CDH13: variants seen among roughly 807,000 people sequenced by gnomAD.
CDH13 encodes cadherin 13.
In CDH13, 24 loss-of-function variants were observed where a neutral mutation model predicts 63.8. The observed-to-expected ratio is 0.38, with a 90% CI of 0.27 to 0.53. CDH13 has a LOEUF of 0.53. CDH13 is among the 20% of genes least tolerant of loss of function. The probability of loss-of-function intolerance (pLI) is 0.85; values close to 1 mark genes in which losing one functional copy is unlikely to be tolerated. For missense variants in CDH13, 1,049 were observed against 903.1 expected (o/e 1.16, Z -2.07); for synonymous variants, 503 against 355.3 (o/e 1.42, Z -4.67).
In CDH13 at chr16:82,634,864, T is replaced by A. The variant is rs371236087; in HGVS notation, c.45+7727T>A. 7.2e-5 allele frequency among the ~76,000 whole-genome samples: 11 copies of A among 152,288 alleles called. No homozygotes were observed. The South Asian group carries it at 1.5e-3, about 20-fold the overall frequency. ...TCAGGGAGATTCACCTGAGACCAAA[T>A]GGTTCCAATAAATATCTATGATCTC... On this transcript the variant is annotated intron_variant, in intron 1 of 13. Transcript: ENST00000567109.
At position 83,129,280 on chromosome 16, in the gene CDH13, G is replaced by A. The variant is rs926598535; in HGVS notation, c.483+3779G>A. 8.5e-5 allele frequency among the ~76,000 whole-genome samples: 13 copies of A among 152,266 alleles called. No individual in the cohort carries two copies. The East Asian group carries it at 1.5e-3, about 18-fold the overall frequency. ...ACACCTCTAATTTTATAAATATTAC[G>A]TATTAGACTTCGATATAGAATGCCA... On this transcript the variant is annotated intron_variant, in intron 4 of 13. Transcript: ENST00000567109.
intron 8 of CDH13, among the ~76,000 whole-genome samples, chr16:83,626,736 G>A (rs558559978): frequency 7.1e-4 from 108 of 152,172 alleles, no homozygotes; most frequent in Middle Eastern, 3.4e-3. Context: ...GCTGGAAGAA[G>A]CAACGGAGCC....
Position 82,697,423 on chromosome 16 carries a change from CTTTTTTTTTTTT to C in CDH13, c.45+70299_45+70310del, listed in dbSNP as rs34376129. ...AAGGGGGCCAAGGCATTTCTTTTTT[CTTTTTTTTTTTT>C]TTTTTTTTTTTTGAGACAGAGTCTC... On this transcript the variant is annotated intron_variant, in intron 1 of 13. Transcript: ENST00000567109. 8.0e-4 allele frequency among the ~76,000 whole-genome samples: 44 copies of C among 54,894 alleles called. No individual in the cohort carries two copies. The East Asian group carries it at 0.025, about 31-fold the overall frequency. The allele number at this position is 54,894 out of a possible 152,430, so 36.0% of individuals were successfully genotyped here.
chr16:82,720,665 C>T (rs2032713157), intron 1 of CDH13, among the ~76,000 whole-genome samples: 1 of 151,256 alleles, frequency 6.6e-6, no homozygotes, highest in African/African-American at 2.4e-5. Context: ...GTGGTCTGGG[C>T]CAAGAGTTAG....
intron 1 of CDH13, among the ~76,000 whole-genome samples, chr16:82,722,410 A>G (rs1460692147): frequency 6.6e-6 from 1 of 152,162 alleles, no homozygotes; most frequent in Non-Finnish European, 1.5e-5. Context: ...TCACAACCCC[A>G]GCAGAGAGAG....
rs1354176439 is a variant in CDH13 at position 83,070,868 on chromosome 16, CA to C, written c.366+38653del. On this transcript the variant is annotated intron_variant, in intron 3 of 13. Transcript: ENST00000567109. ...CAGTAATAAACAGCCCCCCCCCCCC[CA>C]AATATCAATGACCTAAACAACAGGA... is the stretch of plus-strand genomic sequence containing the variant. Among the ~76,000 whole-genome samples, 1,083 of 115,458 alleles carry C rather than the reference CA, an allele frequency of 9.4e-3. 6 individuals carry two copies. Among genetic ancestry groups the C allele is most frequent in the Middle Eastern group, 0.023 (5 of 214 alleles). 75.7% of individuals were successfully genotyped at this position (115,458 alleles called of 152,430 possible).
At chr16:83,106,727 C>T (rs1274738550) in intron 3 of CDH13, among the ~76,000 whole-genome samples, 2 of 152,140 alleles carry the variant, frequency 1.3e-5, no homozygotes, top group African/African-American at 2.4e-5. Flanking sequence ...TACAAAACTG[C>T]TCACACCCTT....
intron 8 of CDH13, among the ~76,000 whole-genome samples, chr16:83,650,093 C>G (rs1231945017): frequency 1.3e-5 from 2 of 152,316 alleles, no homozygotes; most frequent in South Asian, 2.1e-4. Flanking sequence ...GCCTCTGCTC[C>G]TTTGTAGGTT....
In CDH13 at chr16:82,844,664, G is replaced by C. The variant is rs1288054894; in HGVS notation, c.46-13698G>C. On this transcript the variant is annotated intron_variant, in intron 1 of 13. Coordinates refer to ENST00000567109, the MANE Select transcript of CDH13 (RefSeq NM_001257.5). ...ATTTTTTTTTTTTTTTTTTGAGACA[G>C]AGTCTCGCTCTGTCACCCAGGCTGG... The C allele has an allele frequency of 1.4e-3, 160 of 112,298 alleles. 1 individual carries two copies. The highest frequency in any genetic ancestry group is 5.0e-3 in the African/African-American group (149 of 29,540). 7.0% of individuals were successfully genotyped at this position (112,298 alleles called of 1,614,324 possible). A position where few individuals can be genotyped will look rare whatever the true frequency, so the allele number is the denominator to read the frequency against.
chr16:82,982,045 A>C (rs4782742), intron 2 of CDH13, among the ~76,000 whole-genome samples: 65,364 of 151,996 alleles, frequency 0.43, 14,338 homozygotes, highest in Admixed American at 0.49. Context: ...ATATGAAGCC[A>C]TATTTCCCTG....
In CDH13 at chr16:83,748,273, C is replaced by G. The variant is rs778732667; in HGVS notation, c.1681+23C>G. 1.3e-6 allele frequency: 2 copies of G among 1,573,800 alleles called. 1 individual carries two copies. The highest frequency in any genetic ancestry group is 1.7e-6 in the Non-Finnish European group (2 of 1,153,816). On this transcript the variant is annotated intron_variant, in intron 11 of 13. Transcript: ENST00000567109. The stretch of plus-strand genomic sequence containing the variant: ...GTGGTGAGTACTTGACAAAGACCAT[C>G]AAGGGTATACTTTTCTGCTACAAAT...
chr16:83,243,876 C>G (rs1043740823), intron 5 of CDH13, among the ~76,000 whole-genome samples: 5 of 152,128 alleles, frequency 3.3e-5, no homozygotes, highest in Non-Finnish European at 7.4e-5. Context: ...ATCCAGATGG[C>G]TTAGATTTGG....
chr16:82,690,141 C>T (rs1352935200), intron 1 of CDH13, among the ~76,000 whole-genome samples: 1 of 134,812 alleles, frequency 7.4e-6, no homozygotes, highest in African/African-American at 2.8e-5. Flanking sequence ...GCACTCCAGC[C>T]TGGGCAACAA....
chr16:83,409,668 A>G (rs922638117), intron 6 of CDH13, among the ~76,000 whole-genome samples: 1 of 152,218 alleles, frequency 6.6e-6, no homozygotes, highest in Non-Finnish European at 1.5e-5. Flanking sequence ...TCCCTCTTCA[A>G]AATGGCATCT....
chr16:83,446,300 CAAAA>C (rs200693082), intron 6 of CDH13, among the ~76,000 whole-genome samples: 5 of 82,390 alleles, frequency 6.1e-5, no homozygotes, highest in Non-Finnish European at 5.1e-5. Flanking sequence ...GAGACTGTCT[CAAAA>C]AAAAAAAAAA....
intron 1 of CDH13, among the ~76,000 whole-genome samples, chr16:82,814,126 A>G (rs181037764): frequency 2.6e-4 from 39 of 152,288 alleles, no homozygotes; most frequent in African/African-American, 7.7e-4. Flanking sequence ...TGATATAATA[A>G]TAAATACATA....
chr16:83,011,644 C>G (rs1479638001), intron 2 of CDH13, among the ~76,000 whole-genome samples: 1 of 152,198 alleles, frequency 6.6e-6, no homozygotes, highest in East Asian at 1.9e-4. Flanking sequence ...GTGAATGCCA[C>G]TGAGGGTTCG....
At chr16:83,484,963 A>T (rs564469677) in intron 6 of CDH13, among the ~76,000 whole-genome samples, 1 of 152,216 alleles carries the variant, frequency 6.6e-6, no homozygotes, top group African/African-American at 2.4e-5. Flanking sequence ...CTGCCATCCA[A>T]AGGCAAGGGG....
chr16:83,166,892 A>G (rs2037698487), intron 4 of CDH13, among the ~76,000 whole-genome samples: 1 of 152,158 alleles, frequency 6.6e-6, no homozygotes. Flanking sequence ...AAATCTCCCA[A>G]ATGTTTCAAA....
Sources: gnomAD v4.1 joint callset for allele counts (sites outside exome capture counted in the v4.1 genomes callset) on GRCh38, gnomAD v4.1.1 for gene constraint, MANE v1.5 for transcripts, NCBI Gene and HGNC (gene_info 2026-07-23, HGNC 2026-07-21) for gene names.